Variants in SENP6 observed in about 807,000 individuals in gnomAD.
SENP6 encodes sentrin-specific protease 6.
SENP6 carries 41 observed loss-of-function variants against 134.5 expected under a neutral mutation model. The observed-to-expected ratio is 0.30, with a 90% CI of 0.24 to 0.40. SENP6 has a LOEUF of 0.40. Among genes scored for constraint, SENP6 ranks in the 10% least tolerant of loss-of-function variants. The pLI, the probability that SENP6 is intolerant of heterozygous loss-of-function variation, is 1.00. For synonymous variants in SENP6, 395 were observed against 429.8 expected (o/e 0.92, Z 1.00); for missense variants, 1,248 against 1,312.5 (o/e 0.95, Z 0.76).
intron 6 of SENP6, 166 bp from the exon 7 acceptor site, chr6:75,647,565 G>A: frequency 2.7e-6 from 1 of 376,324 alleles, no homozygotes; most frequent in Non-Finnish European, 4.8e-6. Context: ...TTTACAAATT[G>A]AGTTTCATTT....
intron 2 of SENP6, among the ~76,000 whole-genome samples, chr6:75,622,397 A>C (rs1210180727): frequency 1.3e-5 from 2 of 152,076 alleles, no homozygotes; most frequent in Non-Finnish European, 2.9e-5. Context: ...ATCTCTACTA[A>C]AAATACAAAA....
intron 19 of SENP6, 144 bp from the exon 20 acceptor site, chr6:75,709,381 TTA>T (rs760767756): frequency 3.0e-4 from 155 of 521,798 alleles, no homozygotes; most frequent in Middle Eastern, 1.5e-3. Context: ...ATAACTTACT[TTA>T]TGTTTGTGAT....
At chr6:75,631,170 T>TA (rs1220796199) in intron 3 of SENP6, among the ~76,000 whole-genome samples, 3 of 152,240 alleles carry the variant, frequency 2.0e-5, no homozygotes, top group Non-Finnish European at 2.9e-5. Context: ...GCTTTTAACA[T>TA]ACATATGTCT....
At chr6:75,671,962 T>G (rs945045146) in intron 11 of SENP6, among the ~76,000 whole-genome samples, 1 of 152,204 alleles carries the variant, frequency 6.6e-6, no homozygotes, top group South Asian at 2.1e-4. Flanking sequence ...AACCCTAAGC[T>G]TCTCACAATT....
intron 11 of SENP6, among the ~76,000 whole-genome samples, chr6:75,674,374 TGCAGTG>T (rs1772926858): frequency 6.6e-6 from 1 of 152,018 alleles, no homozygotes; most frequent in South Asian, 2.1e-4. Flanking sequence ...CAGGCTGGAG[TGCAGTG>T]GCACAATCTT....
chr6:75,709,767 T>C, intron 20 of SENP6, 137 bp downstream of exon 20: 1 of 510,806 alleles, frequency 2.0e-6, no homozygotes, highest in Non-Finnish European at 3.5e-6. Context: ...CCTAGGAGTT[T>C]GAGTTCAGCC....
At chr6:75,673,776 T>C (rs1772869363) in intron 11 of SENP6, among the ~76,000 whole-genome samples, 1 of 151,932 alleles carries the variant, frequency 6.6e-6, no homozygotes, top group Non-Finnish European at 1.5e-5. Flanking sequence ...ATCCCAGCAC[T>C]TTGGGAGGCT....
At chr6:75,608,414 A>G (rs1767186512) in intron 1 of SENP6, among the ~76,000 whole-genome samples, 1 of 152,020 alleles carries the variant, frequency 6.6e-6, no homozygotes, top group African/African-American at 2.4e-5. Context: ...GCTGCAATTC[A>G]TGACACTGCA....
chr6:75,674,146 CTTTTTT>C (rs770350544), intron 11 of SENP6, among the ~76,000 whole-genome samples: 2 of 128,482 alleles, frequency 1.6e-5, no homozygotes, highest in Non-Finnish European at 3.2e-5. Context: ...CAAGCTACTC[CTTTTTT>C]TTTTTTTTTT....
chr6:75,617,157 G>C (rs1314273613), intron 1 of SENP6, among the ~76,000 whole-genome samples: 1 of 151,676 alleles, frequency 6.6e-6, no homozygotes, highest in East Asian at 1.9e-4. Flanking sequence ...TAGATTACAG[G>C]CATGAGCCAC....
At position 75,702,577 on chromosome 6, in the gene SENP6, G is replaced by C; in HGVS notation, c.2289-68G>C. The stretch of plus-strand genomic sequence containing the variant: ...AACTTTAGAAAAAAACATTTTAATT[G>C]ATATGTATTGCCAAATATAATAAAC... On this transcript the variant is annotated intron_variant, in intron 18 of 23. Transcript: ENST00000447266. The C allele has an allele frequency of 1.5e-6, 2 of 1,326,276 alleles. 1 individual carries two copies. The highest frequency in any genetic ancestry group is 2.0e-6 in the Non-Finnish European group (2 of 980,646). The allele number at this position is 1,326,276 out of a possible 1,614,324, so 82.2% of individuals were successfully genotyped here.
chr6:75,709,462 A>T (rs879246833), intron 19 of SENP6, 65 bp from the exon 20 acceptor site: 4 of 1,056,040 alleles, frequency 3.8e-6, no homozygotes, highest in Middle Eastern at 2.1e-4. Flanking sequence ...CATTAATTTC[A>T]GCCTCATATA....
chr6:75,671,472 C>T (rs1772672281), intron 11 of SENP6, among the ~76,000 whole-genome samples: 1 of 152,126 alleles, frequency 6.6e-6, no homozygotes, highest in Non-Finnish European at 1.5e-5. Flanking sequence ...GCCTGTAATC[C>T]CAGCACTTTG....
chr6:75,632,048 T>C (rs1769152042), intron 3 of SENP6, among the ~76,000 whole-genome samples: 1 of 152,206 alleles, frequency 6.6e-6, no homozygotes, highest in Non-Finnish European at 1.5e-5. Context: ...TGGACAGTAA[T>C]ACCTGGCTTT....
chr6:75,697,777 A>T (rs1159700062), intron 18 of SENP6: 3 of 326,634 alleles, frequency 9.2e-6, no homozygotes, highest in East Asian at 4.9e-5. Context: ...TACCATTTTT[A>T]AAAATATGGT....
intron 7 of SENP6, 31 bp from the exon 8 acceptor site, chr6:75,659,231 C>T: frequency 6.5e-7 from 1 of 1,536,460 alleles, no homozygotes; most frequent in Non-Finnish European, 8.8e-7. Flanking sequence ...TTAACTAAAA[C>T]TTAAAGTTTA....
At chr6:75,663,039 A>G (rs1037043859) in intron 8 of SENP6, among the ~76,000 whole-genome samples, 182 bp from the exon 9 acceptor site, 2 of 152,214 alleles carry the variant, frequency 1.3e-5, no homozygotes, top group African/African-American at 4.8e-5. Context: ...ATGATGGGGA[A>G]GAGAGGGACT....
Position 75,602,355 on chromosome 6 carries a change from C to T in SENP6, c.-170C>T, listed in dbSNP as rs929358012. On this transcript the variant is annotated 5_prime_UTR_variant, in exon 1 of 24. Coordinates refer to ENST00000447266, the MANE Select transcript of SENP6 (RefSeq NM_015571.4). ...GCGGACAGGCCCGGGCGCGCCTGGC[C>T]TGCCTTTGTATAGGCCCGTCTGAAC... is the stretch of plus-strand genomic sequence containing the variant. 1.5e-6 allele frequency: 1 copy of T among 674,676 alleles called. No individual in the cohort carries two copies. Among genetic ancestry groups the T allele is most frequent in the Middle Eastern group, 4.4e-4 (1 of 2,288 alleles). 41.8% of individuals were successfully genotyped at this position (674,676 alleles called of 1,614,324 possible).
chr6:75,670,250 A>G (rs1772565945), intron 10 of SENP6, among the ~76,000 whole-genome samples: 1 of 152,094 alleles, frequency 6.6e-6, no homozygotes, highest in African/African-American at 2.4e-5. Flanking sequence ...CCCGGCCAAG[A>G]TCACATCTTT....
Sources: gnomAD v4.1 joint callset for allele counts (sites outside exome capture counted in the v4.1 genomes callset) on GRCh38, gnomAD v4.1.1 for gene constraint, MANE v1.5 for transcripts, NCBI Gene and HGNC (gene_info 2026-07-23, HGNC 2026-07-21) for gene names.